Variants in IL6R observed in about 807,000 individuals in gnomAD.
The protein encoded by IL6R is interleukin 6 receptor.
Under a neutral mutation model 48.3 loss-of-function variants are expected in IL6R, and 38 were observed. The observed-to-expected ratio is 0.79, with a 90% CI of 0.61 to 1.03. IL6R has a LOEUF of 1.03. IL6R is among the 50% of genes least tolerant of loss of function. The probability of loss-of-function intolerance (pLI) is 0.00; values close to 1 mark genes in which losing one functional copy is unlikely to be tolerated. For synonymous variants in IL6R, 264 were observed against 256.2 expected (o/e 1.03, Z -0.29); for missense variants, 534 against 618.3 (o/e 0.86, Z 1.45).
intron 1 of IL6R, chr1:154,414,865 TG>T: frequency 2.6e-6 from 2 of 773,094 alleles, no homozygotes; most frequent in Non-Finnish European, 4.6e-6. Flanking sequence ...GTAGGCTGAC[TG>T]GGGAAGCTGT....
intron 3 of IL6R, among the ~76,000 whole-genome samples, chr1:154,433,665 G>A (rs1004216746): frequency 1.3e-5 from 2 of 152,182 alleles, no homozygotes; most frequent in Non-Finnish European, 2.9e-5. Context: ...CAGGCGCTAG[G>A]CTACATGTTT....
intron 3 of IL6R, among the ~76,000 whole-genome samples, chr1:154,433,373 G>A (rs1689417132): frequency 6.6e-6 from 1 of 152,174 alleles, no homozygotes; most frequent in South Asian, 2.1e-4. Flanking sequence ...GACTCACCTC[G>A]AATGTCTTCA....
intron 6 of IL6R, among the ~76,000 whole-genome samples, chr1:154,447,651 T>A (rs1690345137): frequency 1.3e-5 from 2 of 151,476 alleles, no homozygotes; most frequent in Admixed American, 6.6e-5. Flanking sequence ...GCTAGTCCCT[T>A]ACGGTTGGAT....
chr1:154,415,011 T>G, intron 1 of IL6R: 6 of 1,524,744 alleles, frequency 3.9e-6, no homozygotes, highest in Non-Finnish European at 5.4e-6. Context: ...TTTGGTCAGC[T>G]TGGTCCCTGT....
rs992487906 is a variant in IL6R, at chr1:154,467,274, C to T, written c.*1894C>T. 6.6e-6 allele frequency: 1 copy of T among 152,236 alleles called. No individual in the cohort carries two copies. The highest frequency in any genetic ancestry group is 2.4e-5 in the African/African-American group (1 of 41,468). 9.4% of individuals were successfully genotyped at this position (152,236 alleles called of 1,614,324 possible). ...TGATTAACCACTTCAGCTGACTTTT[C>T]TGTCCGAGCTTTGAAAATTCAGTGG... On this transcript the variant is annotated 3_prime_UTR_variant, in exon 10 of 10. Coordinates refer to ENST00000368485, the MANE Select transcript of IL6R (RefSeq NM_000565.4).
chr1:154,435,237 T>G (rs7521458), intron 5 of IL6R, 81 bp downstream of exon 5: 4 of 1,378,460 alleles, frequency 2.9e-6, no homozygotes, highest in Non-Finnish European at 1.0e-6. Flanking sequence ...AGGCCAGGCA[T>G]GGTGGCTCAC....
chr1:154,444,253 G>C (rs1690090303), intron 6 of IL6R, among the ~76,000 whole-genome samples: 3 of 145,170 alleles, frequency 2.1e-5, no homozygotes, highest in Admixed American at 1.4e-4. Flanking sequence ...TTGTTGCCTA[G>C]GCTGGAGTGC....
At chr1:154,434,436 G>A (rs1689487215) in intron 3 of IL6R, 83 bp from the exon 4 acceptor site, 3 of 1,247,114 alleles carry the variant, frequency 2.4e-6, no homozygotes, top group Admixed American at 2.2e-5. Flanking sequence ...TTCAAACCCC[G>A]GGATTCCACT....
Position 154,447,685 on chromosome 1 carries a change from T to TG in IL6R, c.950-440_950-439insG, listed in dbSNP as rs1295064713. Among the ~76,000 whole-genome samples the TG allele has an allele frequency of 3.3e-3, 502 of 150,092 alleles. 1 individual carries two copies. Among genetic ancestry groups the TG allele is most frequent in the African/African-American group, 5.7e-3 (229 of 40,508 alleles). ...ATATTTGGTTATTTCCAGCATGCTG[T>TG]TTTTTGTTTTGTTTTGTTTTGTTTT... On this transcript the variant is annotated intron_variant, in intron 6 of 9. Coordinates refer to ENST00000368485, the MANE Select transcript of IL6R (RefSeq NM_000565.4).
chr1:154,435,801 G>A (rs1689590846), intron 5 of IL6R, among the ~76,000 whole-genome samples, 168 bp from the exon 6 acceptor site: 1 of 152,180 alleles, frequency 6.6e-6, no homozygotes. Context: ...AGCTTCCGTG[G>A]GCCCTGAGGG....
In IL6R at chr1:154,447,438, CAAAAAAAAAAA is replaced by C. The variant is rs201893129; in HGVS notation, c.950-680_950-670del. On this transcript the variant is annotated intron_variant, in intron 6 of 9. Transcript: ENST00000368485. ...TGGGCAAAAGAGTGAAACTCCATCT[CAAAAAAAAAAA>C]AAAAAATATATATATATATATATAT... Among the ~76,000 whole-genome samples the C allele has an allele frequency of 9.7e-3, 372 of 38,198 alleles. 25 individuals are homozygous for C. The highest frequency in any genetic ancestry group is 0.018 in the Middle Eastern group (1 of 56). 25.1% of individuals were successfully genotyped at this position (38,198 alleles called of 152,430 possible). A position where few individuals can be genotyped will look rare whatever the true frequency, so the allele number is the denominator to read the frequency against.
chr1:154,454,736 T>G (rs1690780434), intron 9 of IL6R, among the ~76,000 whole-genome samples, 155 bp downstream of exon 9: 1 of 152,180 alleles, frequency 6.6e-6, no homozygotes. Flanking sequence ...CCTACTATTA[T>G]GCCAAGCCGT....
intron 1 of IL6R, among the ~76,000 whole-genome samples, chr1:154,415,848 AG>A (rs1688311865): frequency 6.6e-6 from 1 of 152,068 alleles, no homozygotes; most frequent in Admixed American, 6.5e-5. Flanking sequence ...CTGTGGTGAC[AG>A]GCACCTGTAA....
rs774440162 is a variant in IL6R at position 154,429,333 on chromosome 1, G to A, written c.223G>A (p.Ala75Thr). 1.9e-6 allele frequency: 3 copies of A among 1,614,014 alleles called. No homozygotes were observed. The highest frequency in any genetic ancestry group is 1.7e-5 in the Admixed American group (1 of 59,990). Reference sequence around the variant, plus strand: ...TGCAGGCTCCCACCCCAGCAGATGGGCTGGCATGGGAAGGAGGCTGCTGCT... The same window carrying A: ...TGCAGGCTCCCACCCCAGCAGATGGACTGGCATGGGAAGGAGGCTGCTGCT... Reference protein sequence around the residue: ...PAAGSHPSRWAGMGRRLLLRS... With the variant: ...PAAGSHPSRWTGMGRRLLLRS... The change falls in exon 2 of 10, where the codon GCT (alanine) becomes ACT (threonine). Residue 75 changes from alanine to threonine, a missense_variant. Physicochemically the swap from Ala to Thr is moderately conservative, Grantham distance 58. Coordinates refer to ENST00000368485, the MANE Select transcript of IL6R (RefSeq NM_000565.4).
At chr1:154,462,866 G>C (rs1463092633) in intron 9 of IL6R, among the ~76,000 whole-genome samples, 1 of 152,088 alleles carries the variant, frequency 6.6e-6, no homozygotes, top group Non-Finnish European at 1.5e-5. Context: ...GGAGTGCAGT[G>C]GCACAATCTC....
intron 9 of IL6R, among the ~76,000 whole-genome samples, chr1:154,458,672 A>G (rs1437436311): frequency 1.3e-5 from 2 of 151,158 alleles, no homozygotes; most frequent in African/African-American, 4.9e-5. Context: ...AGGCCAAGGC[A>G]AGTGGATCAC....
intron 6 of IL6R, among the ~76,000 whole-genome samples, chr1:154,439,780 C>T (rs1689829171): frequency 6.6e-6 from 1 of 152,236 alleles, no homozygotes; most frequent in South Asian, 2.1e-4. Context: ...TCGTGGCAAC[C>T]ACCAGTCTAC....
chr1:154,420,466 T>G (rs926826054), intron 1 of IL6R, among the ~76,000 whole-genome samples: 5 of 151,906 alleles, frequency 3.3e-5, no homozygotes, highest in Non-Finnish European at 5.9e-5. Context: ...AGCTGTTTCC[T>G]CTACACCAAG....
At position 154,456,078 on chromosome 1, in the gene IL6R, ACT is replaced by A. The variant is rs1332229406; in HGVS notation, c.1160+1501_1160+1502del. Among the ~76,000 whole-genome samples the A allele has an allele frequency of 3.7e-4, 56 of 151,920 alleles. 1 individual carries two copies. Among genetic ancestry groups the A allele is most frequent in the African/African-American group, 1.3e-3 (54 of 41,454 alleles). On this transcript the variant is annotated intron_variant, in intron 9 of 9. Transcript: ENST00000368485. ...CTCAAACAAAGAAAACCAAAAAGTCACTCTCAATGCAGTTTGGAGACTGGATG... is the reference window on the plus strand; with the variant it reads ...CTCAAACAAAGAAAACCAAAAAGTCACTCAATGCAGTTTGGAGACTGGATG...
Sources: allele counts gnomAD v4.1 joint callset (sites outside exome capture counted in the v4.1 genomes callset), GRCh38; gene constraint gnomAD v4.1.1; transcripts MANE v1.5; gene names NCBI Gene and HGNC (gene_info 2026-07-23, HGNC 2026-07-21).